GPR89B: variants seen among roughly 807,000 people sequenced by gnomAD.
The protein encoded by GPR89B is G protein-coupled receptor 89B.
A neutral mutation model predicts 52.4 loss-of-function variants in GPR89B; 25 were observed. The ratio of observed to expected loss-of-function variants is 0.48; its 90% confidence interval spans 0.35 to 0.67. The LOEUF is 0.67. Ranked by LOEUF, GPR89B falls within the 30% of genes least tolerant of loss-of-function variation. The probability of loss-of-function intolerance (pLI) is 0.01; values close to 1 mark genes in which losing one functional copy is unlikely to be tolerated. For synonymous variants in GPR89B, 52 were observed against 151.2 expected, an observed-to-expected ratio of 0.34 and a Z score of 4.81; for missense variants, 146 against 450.2, an observed-to-expected ratio of 0.32 and a Z score of 6.11.
At chr1:147,984,934 T>C (rs1658554506) in intron 10 of GPR89B, among the ~76,000 whole-genome samples, 1 of 152,300 alleles carries the variant, frequency 6.6e-6, no homozygotes, top group South Asian at 2.1e-4. Context: ...GTGATAAATG[T>C]CTTACCTGTA....
chr1:147,935,872 C>G (rs1459416617), intron 1 of GPR89B, among the ~76,000 whole-genome samples: 1 of 152,072 alleles, frequency 6.6e-6, no homozygotes. Context: ...GTGGCTGGGA[C>G]TACAGGCACA....
the GPR89B span, chr1:148,005,501 C>A: frequency 6.2e-7 from 1 of 1,606,072 alleles, no homozygotes; most frequent in Non-Finnish European, 8.5e-7. Flanking sequence ...ATGTATACCC[C>A]CTTTTTACCT....
chr1:147,950,601 T>C (rs1655583590), intron 5 of GPR89B, among the ~76,000 whole-genome samples: 1 of 152,166 alleles, frequency 6.6e-6, no homozygotes, highest in African/African-American at 2.4e-5. Flanking sequence ...GTGGAGGTTG[T>C]AGTGAGCCGA....
intron 10 of GPR89B, among the ~76,000 whole-genome samples, chr1:147,978,213 CTGTT>C (rs1434960647): frequency 4.0e-5 from 6 of 151,768 alleles, no homozygotes; most frequent in African/African-American, 1.5e-4. Flanking sequence ...TTGTTGCTTT[CTGTT>C]TGTTTGTTTT....
At chr1:147,947,930 T>C (rs1200513313) in intron 5 of GPR89B, among the ~76,000 whole-genome samples, 3 of 152,230 alleles carry the variant, frequency 2.0e-5, no homozygotes, top group Non-Finnish European at 2.9e-5. Context: ...TTCGTTCATT[T>C]AGCATTACAC....
At chr1:148,012,541 T>C in the GPR89B span, among the ~76,000 whole-genome samples, 66 of 129,874 alleles carry the variant, frequency 5.1e-4, no homozygotes, top group Middle Eastern at 0.013. Flanking sequence ...TCAGTGAAGC[T>C]GCTGGAGGAA....
chr1:147,960,529 G>A (rs1406913721), intron 7 of GPR89B, among the ~76,000 whole-genome samples: 1 of 151,956 alleles, frequency 6.6e-6, no homozygotes, highest in Non-Finnish European at 1.5e-5. Context: ...GGGCTTAACA[G>A]GAGAATTGAG....
chr1:148,018,173 C>G, the GPR89B span, among the ~76,000 whole-genome samples: 71 of 144,696 alleles, frequency 4.9e-4, 1 homozygote, highest in Non-Finnish European at 9.9e-4. Context: ...AATCCCAGCA[C>G]TCTGGGAGGC....
the GPR89B span, among the ~76,000 whole-genome samples, chr1:148,013,764 G>T: frequency 3.3e-5 from 5 of 152,130 alleles, no homozygotes; most frequent in East Asian, 9.7e-4. Flanking sequence ...TCCTCCTGGG[G>T]TTAAGAGACG....
intron 3 of GPR89B, among the ~76,000 whole-genome samples, chr1:147,942,183 A>C (rs1553249042): frequency 6.6e-6 from 1 of 152,084 alleles, no homozygotes; most frequent in Non-Finnish European, 1.5e-5. Flanking sequence ...ATGATATACA[A>C]ATGGCCAGTA....
the GPR89B span, chr1:148,003,812 A>G: frequency 1.7e-6 from 1 of 581,106 alleles, no homozygotes; most frequent in Non-Finnish European, 3.0e-6. Flanking sequence ...CTGCCCTCAG[A>G]TAGAAACCAT....
rs1243660177 is a variant in GPR89B, at chr1:147,968,383, C to T, written c.728-492C>T. The stretch of plus-strand genomic sequence containing the variant: ...ATAACACCATGGCATAAGACAATCC[C>T]ATGAAGATAAGATATAAAAGAAGAT... On this transcript the variant is annotated intron_variant, in intron 8 of 13. Transcript: ENST00000314163. The T allele has an allele frequency of 8.4e-4, 380 of 453,588 alleles. 2 individuals carry two copies. The highest frequency in any genetic ancestry group is 1.4e-3 in the Non-Finnish European group (307 of 226,682). The allele number at this position is 453,588 out of a possible 1,614,324, so 28.1% of individuals were successfully genotyped here.
the GPR89B span, among the ~76,000 whole-genome samples, chr1:148,020,517 G>T: frequency 2.0e-5 from 3 of 151,394 alleles, no homozygotes; most frequent in Non-Finnish European, 4.4e-5. Context: ...CCACCCGGGA[G>T]ACCTGGATTC....
Position 147,969,853 on chromosome 1 carries a change from T to G in GPR89B, c.817-14T>G. The G allele has an allele frequency of 7.5e-7, 1 of 1,326,290 alleles. No individual in the cohort carries two copies. 82.2% of individuals were successfully genotyped at this position (1,326,290 alleles called of 1,614,324 possible). On this transcript the variant is annotated splice_polypyrimidine_tract_variant and intron_variant, in intron 9 of 13. Transcript: ENST00000314163. ...TTTTGCTGAAAACTATGTTTTGTGTTTGTTTTCCCCCAGGAGAGAATAGAA... is the reference window on the plus strand; with the variant it reads ...TTTTGCTGAAAACTATGTTTTGTGTGTGTTTTCCCCCAGGAGAGAATAGAA...
chr1:148,020,599 TAAAG>T, the GPR89B span, among the ~76,000 whole-genome samples: 1 of 151,044 alleles, frequency 6.6e-6, no homozygotes, highest in African/African-American at 2.5e-5. Context: ...GCCGCGCTAA[TAAAG>T]AAAAAAAAGG....
chr1:148,021,627 C>A, the GPR89B span, among the ~76,000 whole-genome samples: 1 of 151,732 alleles, frequency 6.6e-6, no homozygotes, highest in Non-Finnish European at 1.5e-5. Flanking sequence ...GGCCTCGGAC[C>A]TTCCTGTCGA....
At chr1:148,009,115 C>T in the GPR89B span, among the ~76,000 whole-genome samples, 9 of 152,254 alleles carry the variant, frequency 5.9e-5, no homozygotes, top group South Asian at 1.7e-3. Flanking sequence ...TACCCAGTGC[C>T]CCCCACCCCC....
intron 10 of GPR89B, among the ~76,000 whole-genome samples, chr1:147,983,719 A>T: frequency 6.6e-6 from 1 of 151,784 alleles, no homozygotes; most frequent in South Asian, 2.1e-4. Flanking sequence ...ACACTTTTAC[A>T]CTGTTGGTGG....
intron 2 of GPR89B, among the ~76,000 whole-genome samples, chr1:147,937,873 G>T (rs587613403): frequency 6.6e-6 from 1 of 152,096 alleles, no homozygotes; most frequent in Non-Finnish European, 1.5e-5. Context: ...CAAAGATGAC[G>T]GGATTAAGAG....
Sources: gnomAD v4.1 joint callset for allele counts (sites outside exome capture counted in the v4.1 genomes callset) on GRCh38, gnomAD v4.1.1 for gene constraint, MANE v1.5 for transcripts, NCBI Gene and HGNC (gene_info 2026-07-23, HGNC 2026-07-21) for gene names.